ARVCF: variants seen among roughly 807,000 people sequenced by gnomAD.
ARVCF encodes splicing regulator ARVCF.
A neutral mutation model predicts 90.9 loss-of-function variants in ARVCF; 66 were observed. The ratio of observed to expected loss-of-function variants is 0.73; its 90% confidence interval spans 0.60 to 0.89. The LOEUF is 0.89. Among genes scored for constraint, ARVCF ranks in the 40% least tolerant of loss-of-function variants. ARVCF has a pLI of 0.00. For missense variants in ARVCF, 1,469 were observed against 1,382.3 expected (o/e 1.06, Z -1.00); for synonymous variants, 653 against 603.4 (o/e 1.08, Z -1.21).
chr22:19,998,498 C>G (rs924706885), intron 2 of ARVCF, among the ~76,000 whole-genome samples: 2 of 152,198 alleles, frequency 1.3e-5, no homozygotes, highest in African/African-American at 4.8e-5. Context: ...TAGGCCAGCC[C>G]GCCCCAGCTG....
downstream of ARVCF, chr22:19,967,517 C>T: frequency 2.5e-6 from 1 of 394,336 alleles, no homozygotes; most frequent in Non-Finnish European, 5.0e-6. Flanking sequence ...CATACTGTCA[C>T]ATGAAAGCCC....
rs547571518 is a variant in ARVCF at position 19,974,032 on chromosome 22, C to A, written c.2088+80G>T. 3.9e-6 allele frequency: 6 copies of A among 1,536,392 alleles called. No homozygotes were observed. The Admixed American group carries it at 1.1e-4, about 28-fold the overall frequency. On this transcript the variant is annotated intron_variant, in intron 12 of 19. Coordinates refer to ENST00000263207, the MANE Select transcript of ARVCF (RefSeq NM_001670.3). ...TGTGGCCCCTCCTTTCCCCGCCAGC[C>A]GAGGCAGGAGCTGCACCAGTGAGGT... is the stretch of plus-strand genomic sequence containing the variant.
intron 11 of ARVCF, among the ~76,000 whole-genome samples, chr22:19,974,992 T>C (rs1312326383): frequency 6.6e-6 from 1 of 152,134 alleles, no homozygotes; most frequent in African/African-American, 2.4e-5. Flanking sequence ...ACCCACCCAG[T>C]GACATTTCAT....
At chr22:19,975,264 T>C (rs1110479) in intron 11 of ARVCF, among the ~76,000 whole-genome samples, 136,739 of 152,206 alleles carry the variant, frequency 0.9, 61,932 homozygotes, top group Non-Finnish European at 0.95. Flanking sequence ...CACTGCCCTG[T>C]CCCTGCAGGT....
intron 18 of ARVCF, 129 bp downstream of exon 18, chr22:19,971,756 TG>T: frequency 3.1e-6 from 3 of 960,026 alleles, no homozygotes; most frequent in Non-Finnish European, 3.2e-6. Context: ...GGCTGCTTCC[TG>T]GGCTTGGCCC....
At chr22:19,989,993 T>C (rs1943965177) in intron 3 of ARVCF, among the ~76,000 whole-genome samples, 1 of 152,162 alleles carries the variant, frequency 6.6e-6, no homozygotes, top group East Asian at 1.9e-4. Flanking sequence ...ATCTACAGGT[T>C]AGAGCACTGG....
At chr22:19,994,173 G>T (rs996760990) in intron 2 of ARVCF, among the ~76,000 whole-genome samples, 3 of 151,960 alleles carry the variant, frequency 2.0e-5, no homozygotes, top group African/African-American at 7.3e-5. Flanking sequence ...CAGAGGGACG[G>T]ACAGATTGAT....
At chr22:19,982,664 C>T (rs768290124) in intron 3 of ARVCF, among the ~76,000 whole-genome samples, 4 of 152,222 alleles carry the variant, frequency 2.6e-5, no homozygotes, top group Non-Finnish European at 4.4e-5. Flanking sequence ...GCCAGCCAGA[C>T]GCCCTCAAGG....
Position 19,977,830 on chromosome 22 carries a change from C to T in ARVCF, c.1698+128G>A. On this transcript the variant is annotated intron_variant, in intron 8 of 19. Transcript: ENST00000263207. ...TCAGTGTGGTCACTGCGAGGCGGGC[C>T]ACACCCAGAACGCCACCCCAGACCC... The T allele has an allele frequency of 5.0e-6, 6 of 1,201,336 alleles. No homozygotes were observed. The South Asian group carries it at 9.2e-5, about 18-fold the overall frequency. The allele number at this position is 1,201,336 out of a possible 1,614,324, so 74.4% of individuals were successfully genotyped here. A position where few individuals can be genotyped will look rare whatever the true frequency, so the allele number is the denominator to read the frequency against.
rs755717732 is a variant in ARVCF, at chr22:19,981,935, T to C, written c.367A>G (p.Lys123Glu). The C allele has an allele frequency of 2.5e-6, 4 of 1,612,168 alleles. No homozygotes were observed. In the African/African-American group the frequency reaches 5.3e-5, roughly 22 times the overall value. Reference sequence around the variant, plus strand: ...CCACTGCCTGGGCCTGGCCATACCTTGGTCTCGGTGCGCCGGGTTGTGCCA... The same window carrying C: ...CCACTGCCTGGGCCTGGCCATACCTCGGTCTCGGTGCGCCGGGTTGTGCCA... ...EDGTTRRTETKVTKTVKTVTT... is the reference protein window; with the variant it reads ...EDGTTRRTETEVTKTVKTVTT... Residue 123 changes from lysine to glutamate, a missense_variant and splice_region_variant, in exon 4 of 20, where the codon AAG becomes GAG. Physicochemically the swap from Lys to Glu is moderately conservative, Grantham distance 56. Transcript: ENST00000263207.
intron 3 of ARVCF, among the ~76,000 whole-genome samples, chr22:19,988,083 G>A (rs1943886334): frequency 6.6e-6 from 1 of 152,178 alleles, no homozygotes; most frequent in Non-Finnish European, 1.5e-5. Flanking sequence ...GCAAGAGAAA[G>A]GGCTCGGGCC....
chr22:19,980,030 G>A lies in ARVCF; in HGVS notation c.1109C>T (p.Pro370Leu). 6.3e-7 allele frequency: 1 copy of A among 1,589,012 alleles called. No homozygotes were observed. Among genetic ancestry groups the A allele is most frequent in the South Asian group, 1.1e-5 (1 of 88,630 alleles). Residue 370 changes from proline (P) to leucine (L), a missense_variant, in exon 6 of 20, where the codon CCC (proline) becomes CTC (leucine). By Grantham distance (98) the Pro-to-Leu change is moderately conservative. Transcript: ENST00000263207. Reference sequence around the variant, plus strand: ...CGCATTGGCCTTCACGGGGTCCACGGGGTGCCGCAGCATGGCCAGCACCTC... The same window carrying A: ...CGCATTGGCCTTCACGGGGTCCACGAGGTGCCGCAGCATGGCCAGCACCTC... ...LPEVLAMLRH[P>L]VDPVKANAAA...
At position 19,974,206 on chromosome 22, in the gene ARVCF, C is replaced by G. The variant is rs1170634458; in HGVS notation, c.1994G>C (p.Arg665Pro). The change falls in exon 12 of 20, where the codon CGT (arginine) becomes CCT (proline). Residue 665 changes from arginine (R) to proline (P), a missense_variant. Coordinates refer to ENST00000263207, the MANE Select transcript of ARVCF (RefSeq NM_001670.3). ...FELLYQPEVV[R>P]LYLSLLTESR... ...CTCCGTGAGGAGGGAGAGGTAGAGA[C>G]GTACCACCTCGGGCTGGTACAGCAG... 28 of 1,612,520 alleles carry G rather than the reference C, an allele frequency of 1.7e-5. No homozygotes were observed. Among genetic ancestry groups the G allele is most frequent in the Non-Finnish European group, 1.9e-5 (23 of 1,179,658 alleles).
Position 19,978,024 on chromosome 22 carries a change from T to C in ARVCF, c.1632A>G (p.Glu544=). ...CATGCAGGAGCGCGTCCACCAGCCCTTCACACTCCCGGAGTCGCCGCCGGG... is the reference window on the plus strand; with the variant it reads ...CATGCAGGAGCGCGTCCACCAGCCCCTCACACTCCCGGAGTCGCCGCCGGG... ...AEARRRLREC[E]GLVDALLHAL... Residue 544 remains glutamate (E), a synonymous_variant, in exon 8 of 20, where the codon GAA becomes GAG. Transcript: ENST00000263207. 6.2e-7 allele frequency: 1 copy of C among 1,612,024 alleles called. No individual in the cohort carries two copies. Among genetic ancestry groups the C allele is most frequent in the Non-Finnish European group, 8.5e-7 (1 of 1,179,548 alleles).
downstream of ARVCF, chr22:19,967,697 T>C (rs148667152): frequency 8.6e-3 from 2,285 of 265,444 alleles, 28 homozygotes; most frequent in South Asian, 0.015. Flanking sequence ...ATGTTTGAGA[T>C]TGCTTGTTAA....
In ARVCF at chr22:19,973,633, G is replaced by A. The variant is rs1226505776; in HGVS notation, c.2239+10C>T. 6.2e-7 allele frequency: 1 copy of A among 1,600,004 alleles called. No homozygotes were observed. Among genetic ancestry groups the A allele is most frequent in the Non-Finnish European group, 8.5e-7 (1 of 1,172,662 alleles). On this transcript the variant is annotated intron_variant, in intron 13 of 19. Coordinates refer to ENST00000263207, the MANE Select transcript of ARVCF (RefSeq NM_001670.3). ...CGGTGCCCAGGCGTGGGCTTTGCAG[G>A]CGTCCTCACCGATGAGGTCTTTGTT...
At chr22:20,001,835 T>C (rs980395474) in intron 2 of ARVCF, among the ~76,000 whole-genome samples, 6 of 152,070 alleles carry the variant, frequency 3.9e-5, no homozygotes, top group Non-Finnish European at 7.4e-5. Flanking sequence ...CTATAAATAA[T>C]GAGGATCCCA....
At position 19,979,456 on chromosome 22, in the gene ARVCF, G is replaced by A. The variant is rs147757793; in HGVS notation, c.1396+287C>T. Reference sequence around the variant, plus strand: ...CACGGTTGGGGTGGGAACCAAGGAGGTGGGTCCCAGGAGAGTTTCTGTGGG... The same window carrying A: ...CACGGTTGGGGTGGGAACCAAGGAGATGGGTCCCAGGAGAGTTTCTGTGGG... On this transcript the variant is annotated intron_variant, in intron 6 of 19. Transcript: ENST00000263207. 4.5e-5 allele frequency: 25 copies of A among 555,058 alleles called. No individual in the cohort carries two copies. In the East Asian group the frequency reaches 7.4e-4, roughly 16 times the overall value. The allele number at this position is 555,058 out of a possible 1,614,324, so 34.4% of individuals were successfully genotyped here. A position where few individuals can be genotyped will look rare whatever the true frequency, so the allele number is the denominator to read the frequency against.
At chr22:19,978,467 G>T (rs140093607) in intron 7 of ARVCF, among the ~76,000 whole-genome samples, 1 of 152,192 alleles carries the variant, frequency 6.6e-6, no homozygotes, top group Admixed American at 6.5e-5. Flanking sequence ...CTGCAGGGCT[G>T]CGCGGGAACA....
Sources: gnomAD v4.1 joint callset for allele counts (sites outside exome capture counted in the v4.1 genomes callset) on GRCh38, gnomAD v4.1.1 for gene constraint, MANE v1.5 for transcripts, NCBI Gene and HGNC (gene_info 2026-07-23, HGNC 2026-07-21) for gene names.